NLRP5: variants seen among roughly 807,000 people sequenced by gnomAD.
NLRP5 encodes the protein NACHT, LRR and PYD domains-containing protein 5.
NLRP5 carries 93 observed loss-of-function variants against 113.1 expected under a neutral mutation model. The ratio of observed to expected loss-of-function variants is 0.82; its 90% CI spans 0.70 to 0.98. NLRP5 has a LOEUF of 0.98. Ranked by LOEUF, NLRP5 falls within the 50% of genes least tolerant of loss-of-function variation. The pLI, the probability that NLRP5 is intolerant of heterozygous loss-of-function variation, is 0.00. For synonymous variants in NLRP5, 751 were observed against 600.7 expected (o/e 1.25, Z -3.66); for missense variants, 1,808 against 1,514.3 (o/e 1.19, Z -3.22).
At chr19:56,034,685 A>C (rs10405657) in intron 9 of NLRP5, among the ~76,000 whole-genome samples, 1 of 152,066 alleles carries the variant, frequency 6.6e-6, no homozygotes, top group Non-Finnish European at 1.5e-5. Context: ...CGTCGCCTGA[A>C]ACTGGCTTTG....
At chr19:56,042,778 G>A (rs1029026565) in intron 11 of NLRP5, among the ~76,000 whole-genome samples, 7 of 152,088 alleles carry the variant, frequency 4.6e-5, no homozygotes, top group Non-Finnish European at 8.8e-5. Flanking sequence ...AATCCCCAAA[G>A]TCCATTGTAT....
chr19:56,039,482 G>A (rs1455197499), intron 10 of NLRP5, among the ~76,000 whole-genome samples: 7 of 152,098 alleles, frequency 4.6e-5, no homozygotes, highest in Admixed American at 1.3e-4. Flanking sequence ...CTGAGCTCTC[G>A]ATCACACCCT....
chr19:55,995,421 G>T (rs1292934349), upstream of NLRP5, among the ~76,000 whole-genome samples: 1 of 152,038 alleles, frequency 6.6e-6, no homozygotes, highest in African/African-American at 2.4e-5. Flanking sequence ...AGAAAGAGTT[G>T]GCTATAAATA....
intron 1 of NLRP5, 155 bp from the exon 2 acceptor site, chr19:56,003,581 G>A (rs1162704174): frequency 3.5e-6 from 3 of 862,242 alleles, no homozygotes; most frequent in Non-Finnish European, 5.3e-6. Context: ...CTGATGTCTA[G>A]TAATAGGATA....
At chr19:55,999,816 G>A (rs1178779781) in intron 1 of NLRP5, 1 of 1,568,296 alleles carries the variant, frequency 6.4e-7, no homozygotes. Flanking sequence ...TTACCTATGA[G>A]GAAACCGACC....
chr19:56,013,498 A>T (rs1057005182), intron 3 of NLRP5, among the ~76,000 whole-genome samples: 5 of 151,614 alleles, frequency 3.3e-5, no homozygotes, highest in Middle Eastern at 3.5e-3. Context: ...TGTCAATATC[A>T]TAGCCTGTCT....
chr19:56,054,580 A>C (rs1485479780), intron 13 of NLRP5, among the ~76,000 whole-genome samples: 4 of 151,988 alleles, frequency 2.6e-5, no homozygotes, highest in East Asian at 1.9e-4. Context: ...AAAAAAAAAA[A>C]AAAACGTGCT....
chr19:56,012,705 C>A (rs950528548), intron 3 of NLRP5, among the ~76,000 whole-genome samples: 13 of 152,028 alleles, frequency 8.6e-5, no homozygotes, highest in Non-Finnish European at 1.3e-4. Flanking sequence ...TTTCCCAGAA[C>A]CTGATATTGT....
At chr19:56,059,572 G>C (rs1216164462) in intron 14 of NLRP5, among the ~76,000 whole-genome samples, 1 of 152,136 alleles carries the variant, frequency 6.6e-6, no homozygotes, top group Non-Finnish European at 1.5e-5. Context: ...TCACTCTGTT[G>C]CCTCCAGGCT....
chr19:56,055,537 C>CTTTTTTTTTTTTTTTTTTTTTTTTTTTT (rs1160965587), intron 13 of NLRP5, among the ~76,000 whole-genome samples: 4 of 76,462 alleles, frequency 5.2e-5, no homozygotes, highest in Admixed American at 2.0e-4. Context: ...CTTTCTCTGT[C>CTTTTTTTTTTTTTTTTTTTTTTTTTTTT]TTTTTTTTTT....
chr19:56,052,692 C>A (rs933244763), intron 12 of NLRP5, among the ~76,000 whole-genome samples: 1 of 152,222 alleles, frequency 6.6e-6, no homozygotes, highest in Non-Finnish European at 1.5e-5. Context: ...TCAGTCATTT[C>A]TCCTGCGATA....
chr19:56,044,663 T>C (rs1415596725), intron 11 of NLRP5, among the ~76,000 whole-genome samples: 4 of 152,218 alleles, frequency 2.6e-5, no homozygotes, highest in Non-Finnish European at 4.4e-5. Context: ...AGATTTGTTC[T>C]TTTTGCTGAG....
intron 13 of NLRP5, among the ~76,000 whole-genome samples, chr19:56,054,992 CTTTTTTTTT>C (rs869165472): frequency 1.6e-5 from 1 of 62,392 alleles, no homozygotes; most frequent in Non-Finnish European, 2.8e-5. Context: ...CACCCCTCCC[CTTTTTTTTT>C]TTTTTTTTTT....
intron 2 of NLRP5, among the ~76,000 whole-genome samples, chr19:56,005,231 TTTTATATATACACACATATATA>T (rs1346597490): frequency 7.0e-6 from 1 of 143,744 alleles, no homozygotes. Context: ...ACACATATAT[TTTTATATATACACACATATATA>T]TTTATATATA....
At chr19:55,991,466 ATCTGCC>A in the NLRP5 span, among the ~76,000 whole-genome samples, 20 of 152,222 alleles carry the variant, frequency 1.3e-4, no homozygotes, top group East Asian at 3.9e-3. Context: ...TGTGTTGGGA[ATCTGCC>A]TCTGCCTCAC....
At chr19:55,987,962 G>C in the NLRP5 span, 1 of 1,421,116 alleles carries the variant, frequency 7.0e-7, no homozygotes, top group Non-Finnish European at 1.0e-6. Context: ...TTCCCACTCT[G>C]ACAACTGGCA....
chr19:56,036,464 T>C lies in NLRP5; in HGVS notation c.2616-1561T>C, dbSNP rs117678768. On this transcript the variant is annotated intron_variant, in intron 9 of 14. Coordinates refer to ENST00000390649, the MANE Select transcript of NLRP5 (RefSeq NM_153447.4). Reference sequence around the variant, plus strand: ...TGATAAATGAAACGAGATTGTTTTATTCAATAACGACAGACGCTTGATTCT... The same window carrying C: ...TGATAAATGAAACGAGATTGTTTTACTCAATAACGACAGACGCTTGATTCT... 2.4e-3 allele frequency among the ~76,000 whole-genome samples: 359 copies of C among 152,320 alleles called. 14 individuals carry two copies. The East Asian group carries it at 0.065, about 28-fold the overall frequency.
At chr19:55,994,643 GC>G in the NLRP5 span, among the ~76,000 whole-genome samples, 1 of 152,212 alleles carries the variant, frequency 6.6e-6, no homozygotes, top group Non-Finnish European at 1.5e-5. Flanking sequence ...TGATCCACCT[GC>G]CTTGGCCTCC....
At chr19:56,042,926 A>G (rs984866115) in intron 11 of NLRP5, among the ~76,000 whole-genome samples, 4 of 151,348 alleles carry the variant, frequency 2.6e-5, no homozygotes, top group South Asian at 2.1e-4. Context: ...AATGCTGTTA[A>G]TTCATTCCTT....
Sources: allele counts gnomAD v4.1 joint callset (sites outside exome capture counted in the v4.1 genomes callset), GRCh38; gene constraint gnomAD v4.1.1; transcripts MANE v1.5; gene names NCBI Gene and HGNC (gene_info 2026-07-23, HGNC 2026-07-21).